LARGE1: variants seen among roughly 807,000 people sequenced by gnomAD.
The protein encoded by LARGE1 is xylosyl- and glucuronyltransferase LARGE1.
Under a neutral mutation model 87.6 loss-of-function variants are expected in LARGE1, and 43 were observed. The ratio of observed to expected loss-of-function variants is 0.49; its 90% CI spans 0.38 to 0.63. The LOEUF (loss-of-function observed/expected upper bound fraction) is 0.63, where lower values mean the gene tolerates loss of function less well. Ranked by LOEUF, LARGE1 falls within the 30% of genes least tolerant of loss-of-function variation. The pLI, the probability that LARGE1 is intolerant of heterozygous loss-of-function variation, is 0.00. For missense variants in LARGE1, 802 were observed against 1,000.2 expected, an observed-to-expected ratio of 0.80 and a Z score of 2.67; for synonymous variants, 434 against 394.6, an observed-to-expected ratio of 1.10 and a Z score of -1.18.
intron 9 of LARGE1, among the ~76,000 whole-genome samples, chr22:33,347,124 T>C (rs1939854807): frequency 6.6e-6 from 1 of 152,190 alleles, no homozygotes. Context: ...TTTAAGCCAC[T>C]GCATATTGAG....
At chr22:33,790,352 G>A (rs550911365) in intron 1 of LARGE1, among the ~76,000 whole-genome samples, 111 of 152,196 alleles carry the variant, frequency 7.3e-4, no homozygotes, top group Admixed American at 8.5e-4. Context: ...TATTAGCAGC[G>A]TGAGAACATG....
At chr22:33,334,589 G>A (rs5998881) in intron 10 of LARGE1, among the ~76,000 whole-genome samples, 24,351 of 152,062 alleles carry the variant, frequency 0.16, 4,448 homozygotes, top group African/African-American at 0.45. Context: ...TAGCAAGCAC[G>A]AAAGCCCTAT....
At chr22:33,435,328 C>T (rs1213403520) in intron 6 of LARGE1, among the ~76,000 whole-genome samples, 1 of 152,168 alleles carries the variant, frequency 6.6e-6, no homozygotes, top group African/African-American at 2.4e-5. Flanking sequence ...CAGCAGCTGA[C>T]TTACACTCCA....
intron 11 of LARGE1, among the ~76,000 whole-genome samples, chr22:33,202,894 G>A (rs538743690): frequency 6.6e-6 from 1 of 152,318 alleles, no homozygotes; most frequent in African/African-American, 2.4e-5. Flanking sequence ...GAAGGGAAAA[G>A]TTCCTGGAAA....
At chr22:33,529,055 TA>T in intron 6 of LARGE1, among the ~76,000 whole-genome samples, 1 of 152,336 alleles carries the variant, frequency 6.6e-6, no homozygotes, top group Admixed American at 6.5e-5. Flanking sequence ...ACACGTGGAA[TA>T]GCACTTTTTT....
chr22:33,915,042 C>CACAGAGAGAGAGAG (rs144076486), intron 1 of LARGE1, among the ~76,000 whole-genome samples: 2 of 137,034 alleles, frequency 1.5e-5, no homozygotes, highest in African/African-American at 5.6e-5. Flanking sequence ...CACACACACA[C>CACAGAGAGAGAGAG]AGAGAGAGAG....
intron 6 of LARGE1, among the ~76,000 whole-genome samples, chr22:33,478,508 G>A (rs766546431): frequency 2.6e-5 from 4 of 152,232 alleles, no homozygotes; most frequent in Non-Finnish European, 5.9e-5. Context: ...GCCAAAGGGC[G>A]AAACTTCCTC....
chr22:33,893,923 G>A (rs567730688), intron 1 of LARGE1, among the ~76,000 whole-genome samples: 6 of 152,278 alleles, frequency 3.9e-5, no homozygotes, highest in Admixed American at 3.9e-4. Context: ...TTCACTACAT[G>A]TTGAGTAGAA....
intron 2 of LARGE1, among the ~76,000 whole-genome samples, chr22:33,703,684 C>T (rs1569387685): frequency 6.6e-6 from 1 of 152,200 alleles, no homozygotes; most frequent in Non-Finnish European, 1.5e-5. Flanking sequence ...CCAAGGGATG[C>T]AGGTGGCTGC....
intron 2 of LARGE1, among the ~76,000 whole-genome samples, chr22:33,696,866 C>T (rs1392786863): frequency 6.6e-6 from 1 of 152,110 alleles, no homozygotes; most frequent in Non-Finnish European, 1.5e-5. Flanking sequence ...CATAATTTAT[C>T]AAAGTCAACT....
intron 10 of LARGE1, among the ~76,000 whole-genome samples, chr22:33,331,096 G>C (rs1384181865): frequency 1.3e-5 from 2 of 152,150 alleles, no homozygotes; most frequent in Admixed American, 6.5e-5. Context: ...TCAGGCATTG[G>C]GGTCTGTGAA....
intron 2 of LARGE1, among the ~76,000 whole-genome samples, chr22:33,680,740 T>A (rs1329082872): frequency 6.6e-6 from 1 of 152,094 alleles, no homozygotes; most frequent in African/African-American, 2.4e-5. Context: ...ATTGAGACAT[T>A]ATCCACAAGG....
Position 33,751,484 on chromosome 22 carries a change from C to CA in LARGE1, c.106+9886dup, listed in dbSNP as rs112824683. On this transcript the variant is annotated intron_variant, in intron 2 of 14. Transcript: ENST00000397394. ...TGGGAGACAGATTGAGACTCCATCT[C>CA]AAAAAAAAAAAAACAAAAACAAACA... Among the ~76,000 whole-genome samples, 756 of 126,054 alleles carry CA rather than the reference C, an allele frequency of 6.0e-3. 5 individuals are homozygous for CA. The highest frequency in any genetic ancestry group is 0.013 in the Middle Eastern group (3 of 234). 82.7% of individuals were successfully genotyped at this position (126,054 alleles called of 152,430 possible). A position where few individuals can be genotyped will look rare whatever the true frequency, so the allele number is the denominator to read the frequency against.
At chr22:33,757,521 A>T (rs2084562174) in intron 2 of LARGE1, among the ~76,000 whole-genome samples, 1 of 152,150 alleles carries the variant, frequency 6.6e-6, no homozygotes, top group African/African-American at 2.4e-5. Flanking sequence ...TGAGATCCTG[A>T]GACAGCTGAC....
chr22:33,253,041 G>A (rs1341479762), intron 11 of LARGE1, among the ~76,000 whole-genome samples: 1 of 152,170 alleles, frequency 6.6e-6, no homozygotes, highest in Non-Finnish European at 1.5e-5. Flanking sequence ...CAGAAGGTGT[G>A]ACGTGGAATG....
At chr22:33,739,720 G>A (rs2083804616) in intron 2 of LARGE1, among the ~76,000 whole-genome samples, 1 of 152,156 alleles carries the variant, frequency 6.6e-6, no homozygotes, top group African/African-American at 2.4e-5. Flanking sequence ...CCTGGGGAGA[G>A]GAGAAGAGCA....
At chr22:33,550,144 C>T (rs1416742995) in intron 6 of LARGE1, among the ~76,000 whole-genome samples, 4 of 112,712 alleles carry the variant, frequency 3.5e-5, no homozygotes, top group African/African-American at 1.1e-4. Flanking sequence ...TTAAAGTATA[C>T]ACACACACAC....
chr22:33,182,288 C>A (rs566845882), intron 11 of LARGE1, among the ~76,000 whole-genome samples: 23 of 152,172 alleles, frequency 1.5e-4, no homozygotes, highest in Non-Finnish European at 3.1e-4. Context: ...AAGTGACCAG[C>A]TGCAAAATTT....
Position 33,519,189 on chromosome 22 carries a change from G to A in LARGE1, c.787+45659C>T, listed in dbSNP as rs79434346. Among the ~76,000 whole-genome samples the A allele has an allele frequency of 5.3e-3, 811 of 152,148 alleles. 7 individuals are homozygous for A. Among genetic ancestry groups the A allele is most frequent in the African/African-American group, 0.018 (756 of 41,522 alleles). ...CAGAGGAATCCTGACTCACTGCAAT[G>A]ATCTCTGGCAATTCTGCAGGTCCCT... On this transcript the variant is annotated intron_variant, in intron 6 of 14. Transcript: ENST00000397394.
Sources: allele counts gnomAD v4.1 joint callset (sites outside exome capture counted in the v4.1 genomes callset), GRCh38; gene constraint gnomAD v4.1.1; transcripts MANE v1.5; gene names NCBI Gene and HGNC (gene_info 2026-07-23, HGNC 2026-07-21).